The following PCDH15 variants were observed in gnomAD, a reference collection of about 807,000 sequenced individuals.
PCDH15 encodes the protein protocadherin-15.
Under a neutral mutation model 178.5 loss-of-function variants are expected in PCDH15, and 129 were observed. That is an observed-to-expected ratio of 0.72 (90% CI 0.63 to 0.84). PCDH15 has a LOEUF of 0.84. Ranked by LOEUF, PCDH15 falls within the 40% of genes least tolerant of loss-of-function variation. The pLI is 0.00. For missense variants in PCDH15, 2,230 were observed against 2,099.9 expected (o/e 1.06, Z -1.21); for synonymous variants, 800 against 732.0 (o/e 1.09, Z -1.50).
chr10:55,139,517 C>G (rs1412294513), intron 2 of PCDH15, among the ~76,000 whole-genome samples: 1 of 152,008 alleles, frequency 6.6e-6, no homozygotes, highest in Non-Finnish European at 1.5e-5. Context: ...TCAGATGTTC[C>G]AAATGTTTCC....
At chr10:54,327,917 TACA>T (rs1421000731) in intron 7 of PCDH15, among the ~76,000 whole-genome samples, 2 of 152,146 alleles carry the variant, frequency 1.3e-5, no homozygotes, top group Non-Finnish European at 2.9e-5. Context: ...CCTCCCCACT[TACA>T]ACATCCCTAA....
chr10:54,363,681 CA>C (rs1158422950), intron 5 of PCDH15, among the ~76,000 whole-genome samples: 1 of 152,034 alleles, frequency 6.6e-6, no homozygotes, highest in African/African-American at 2.4e-5. Context: ...GTTGACACTA[CA>C]AAATAACTAA....
At chr10:53,873,302 T>G (rs1007660793) in intron 26 of PCDH15, among the ~76,000 whole-genome samples, 18 of 152,376 alleles carry the variant, frequency 1.2e-4, no homozygotes, top group Admixed American at 1.2e-3. Context: ...ACAATCAGTC[T>G]GGTGTTCTTT....
At position 54,204,474 on chromosome 10, in the gene PCDH15, G is replaced by A. The variant is rs529831477; in HGVS notation, c.1099-8585C>T. On this transcript the variant is annotated intron_variant, in intron 10 of 37. Coordinates refer to ENST00000644397, the MANE Select transcript of PCDH15 (RefSeq NM_001384140.1). The stretch of plus-strand genomic sequence containing the variant: ...AGGAGGTGTAGGAGGCGTATGGGAT[G>A]TTTGTAGCATCTTTTTTTAACAAAA... Among the ~76,000 whole-genome samples the A allele has an allele frequency of 3.3e-5, 5 of 152,114 alleles. No homozygotes were observed. The South Asian group carries it at 1.0e-3, about 32-fold the overall frequency.
chr10:53,905,885 T>C (rs1475805671), intron 25 of PCDH15, among the ~76,000 whole-genome samples: 1 of 151,838 alleles, frequency 6.6e-6, no homozygotes, highest in African/African-American at 2.4e-5. Context: ...TGATATTTAT[T>C]TATATGAAAA....
intron 25 of PCDH15, among the ~76,000 whole-genome samples, chr10:53,926,105 C>T (rs961081005): frequency 2.0e-5 from 3 of 152,188 alleles, no homozygotes; most frequent in African/African-American, 7.2e-5. Context: ...TCAAGTCCTA[C>T]CAACTTCTCT....
intron 4 of PCDH15, among the ~76,000 whole-genome samples, chr10:54,376,979 CTTAT>C (rs962519698): frequency 2.6e-5 from 4 of 151,782 alleles, no homozygotes; most frequent in Admixed American, 1.3e-4. Context: ...TTAAAAATCT[CTTAT>C]TTATTCATGC....
chr10:54,968,316 C>G (rs535803109), intron 2 of PCDH15, among the ~76,000 whole-genome samples: 1 of 152,234 alleles, frequency 6.6e-6, no homozygotes, highest in African/African-American at 2.4e-5. Flanking sequence ...GCAGTTCTAA[C>G]AGATGTTGTT....
intron 2 of PCDH15, among the ~76,000 whole-genome samples, chr10:55,012,476 T>C (rs1433282177): frequency 6.6e-6 from 1 of 152,106 alleles, no homozygotes; most frequent in Non-Finnish European, 1.5e-5. Flanking sequence ...TGTTTCAAAA[T>C]TTGTTTTTGC....
intron 1 of PCDH15, among the ~76,000 whole-genome samples, chr10:55,267,049 G>A (rs1040746073): frequency 4.6e-5 from 7 of 152,164 alleles, no homozygotes; most frequent in Admixed American, 1.3e-4. Flanking sequence ...CACTACCATC[G>A]CATGCACTGT....
rs1387751630 is a variant in PCDH15 at position 54,027,015 on chromosome 10, C to T, written c.2221-3818G>A. Among the ~76,000 whole-genome samples, 15 of 145,718 alleles carry T rather than the reference C, an allele frequency of 1.0e-4. 1 individual carries two copies. The highest frequency in any genetic ancestry group is 6.8e-4 in the South Asian group (3 of 4,388). ...AAGTCAAATTGTCCCTGTTTGCAGACGACATGATTGTATATCTAGAAAACC... is the reference window on the plus strand; with the variant it reads ...AAGTCAAATTGTCCCTGTTTGCAGATGACATGATTGTATATCTAGAAAACC... On this transcript the variant is annotated intron_variant, in intron 18 of 37. Transcript: ENST00000644397.
chr10:54,048,192 T>C (rs1393128243), intron 18 of PCDH15, among the ~76,000 whole-genome samples: 3 of 152,150 alleles, frequency 2.0e-5, no homozygotes, highest in Non-Finnish European at 4.4e-5. Flanking sequence ...GTTTGTTGGC[T>C]GCTTGTATGT....
chr10:55,491,678 A>C (rs1840421916), intron 2 of PCDH15, among the ~76,000 whole-genome samples: 1 of 149,470 alleles, frequency 6.7e-6, no homozygotes. Flanking sequence ...CAAGATTGTT[A>C]TTTTCAATCT....
intron 3 of PCDH15, among the ~76,000 whole-genome samples, chr10:54,519,853 A>C (rs2082657789): frequency 6.6e-6 from 1 of 152,188 alleles, no homozygotes; most frequent in Admixed American, 6.5e-5. Flanking sequence ...TAGTACTGGT[A>C]CCAAAACAGA....
intron 2 of PCDH15, among the ~76,000 whole-genome samples, chr10:54,951,539 G>T (rs952913184): frequency 6.6e-6 from 1 of 151,878 alleles, no homozygotes; most frequent in Non-Finnish European, 1.5e-5. Flanking sequence ...GTGAATTTTG[G>T]TGTGGTTATT....
chr10:54,507,826 C>G (rs117892375), intron 3 of PCDH15, among the ~76,000 whole-genome samples: 9 of 152,086 alleles, frequency 5.9e-5, no homozygotes, highest in Non-Finnish European at 1.3e-4. Context: ...TCAAAAGCTG[C>G]TTCCTTTCTC....
At chr10:55,286,566 T>A (rs1161641171) in intron 1 of PCDH15, among the ~76,000 whole-genome samples, 2 of 151,764 alleles carry the variant, frequency 1.3e-5, no homozygotes, top group African/African-American at 4.8e-5. Flanking sequence ...ATGCCACCTA[T>A]GTTGTCCTTG....
intron 2 of PCDH15, among the ~76,000 whole-genome samples, chr10:55,542,577 A>G (rs2132077990): frequency 6.7e-6 from 1 of 150,174 alleles, no homozygotes; most frequent in African/African-American, 2.4e-5. Context: ...ATATATACAT[A>G]TGTATGTGTC....
intron 17 of PCDH15, among the ~76,000 whole-genome samples, chr10:54,075,412 T>C (rs2094324219): frequency 6.6e-6 from 1 of 152,156 alleles, no homozygotes; most frequent in Non-Finnish European, 1.5e-5. Context: ...ATTTTGAATA[T>C]TAATGACTTA....
Sources: gnomAD v4.1 joint callset for allele counts (sites outside exome capture counted in the v4.1 genomes callset) on GRCh38, gnomAD v4.1.1 for gene constraint, MANE v1.5 for transcripts, NCBI Gene and HGNC (gene_info 2026-07-23, HGNC 2026-07-21) for gene names.